Variants in GOLGA8B observed in about 807,000 individuals in gnomAD.
GOLGA8B encodes the protein golgin subfamily A member 8B.
In GOLGA8B, 1 loss-of-function variant was observed where a neutral mutation model predicts 15.6. The ratio of observed to expected loss-of-function variants is 0.06; its 90% CI spans 0.02 to 0.30. The LOEUF (loss-of-function observed/expected upper bound fraction) is 0.30, where lower values mean the gene tolerates loss of function less well. GOLGA8B is among the 10% of genes least tolerant of loss of function. The pLI, the probability that GOLGA8B is intolerant of heterozygous loss-of-function variation, is 1.00. For missense variants in GOLGA8B, 17 were observed against 201.3 expected (o/e 0.08, Z 5.54); for synonymous variants, 9 against 80.3 (o/e 0.11, Z 4.75).
chr15:34,564,851 T>C (rs1010660261), intron 1 of GOLGA8B, among the ~76,000 whole-genome samples: 2 of 143,326 alleles, frequency 1.4e-5, no homozygotes, highest in African/African-American at 5.0e-5. Flanking sequence ...TGCCATGGAG[T>C]CTGGACTCCA....
intron 1 of GOLGA8B, among the ~76,000 whole-genome samples, chr15:34,581,105 C>T (rs1808500): frequency 0.1 from 15,359 of 152,270 alleles, 1,014 homozygotes; most frequent in East Asian, 0.27. Context: ...CCCCACCGAC[C>T]GCCAGTCCTG....
rs1163264459 is a variant in GOLGA8B at position 34,566,301 on chromosome 15, A to G, written c.-1122-12345T>C. On this transcript the variant is annotated intron_variant, in intron 1 of 23. Transcript: ENST00000683415. ...CTCTGAGTGTATTTAATGCCACAGAATCATACACGTAGAAGTATTTCAGAT... is the reference window on the plus strand; with the variant it reads ...CTCTGAGTGTATTTAATGCCACAGAGTCATACACGTAGAAGTATTTCAGAT... 3 of 142,178 alleles carry G rather than the reference A, an allele frequency of 2.1e-5. 1 individual carries two copies. The highest frequency in any genetic ancestry group is 4.9e-5 in the Non-Finnish European group (3 of 61,790). The allele number at this position is 142,178 out of a possible 1,614,324, so 8.8% of individuals were successfully genotyped here.
intron 1 of GOLGA8B, among the ~76,000 whole-genome samples, chr15:34,569,235 A>C (rs1014017636): frequency 1.4e-5 from 2 of 144,340 alleles, no homozygotes; most frequent in African/African-American, 5.0e-5. Context: ...CGTCTGAATG[A>C]AGCCAGAAAT....
At chr15:34,581,230 C>T (rs1031426178) in intron 1 of GOLGA8B, among the ~76,000 whole-genome samples, 2 of 152,188 alleles carry the variant, frequency 1.3e-5, no homozygotes, top group South Asian at 2.1e-4. Context: ...CGAGGAGTGC[C>T]GGAGAGGAGC....
intron 1 of GOLGA8B, among the ~76,000 whole-genome samples, chr15:34,571,468 G>A (rs1372541173): frequency 6.6e-6 from 1 of 151,850 alleles, no homozygotes; most frequent in Non-Finnish European, 1.5e-5. Flanking sequence ...ACGGTAGATA[G>A]TGGCACAACA....
At position 34,562,491 on chromosome 15, in the gene GOLGA8B, ATTTTATG is replaced by A. The variant is rs961315265; in HGVS notation, c.-1122-8542_-1122-8536del. ...TCTTCTCTGATTACTCCTTATTCAT[ATTTTATG>A]TTTTGTTTTATAGATGTAATATATT... is the stretch of plus-strand genomic sequence containing the variant. On this transcript the variant is annotated intron_variant, in intron 1 of 23. Transcript: ENST00000683415. 2.3e-4 allele frequency among the ~76,000 whole-genome samples: 24 copies of A among 106,118 alleles called. 1 individual carries two copies. Among genetic ancestry groups the A allele is most frequent in the African/African-American group, 6.9e-4 (22 of 31,746 alleles). The allele number at this position is 106,118 out of a possible 152,430, so 69.6% of individuals were successfully genotyped here.
rs1303029200 is a variant in GOLGA8B at position 34,527,227 on chromosome 15, A to C, written c.*405T>G. 1 of 334,568 alleles carries C rather than the reference A, an allele frequency of 3.0e-6. No homozygotes were observed. The highest frequency in any genetic ancestry group is 2.2e-5 in the African/African-American group (1 of 45,374). The allele number at this position is 334,568 out of a possible 1,614,324, so 20.7% of individuals were successfully genotyped here. On this transcript the variant is annotated 3_prime_UTR_variant, in exon 24 of 24. Coordinates refer to ENST00000683415, the MANE Select transcript of GOLGA8B (RefSeq NM_001023567.5). ...TCAAACATCATAGCAGAACATTAGC[A>C]AATTTTATCTGAATTCTGTAATGAA...
chr15:34,565,281 G>A lies in GOLGA8B; in HGVS notation c.-1122-11325C>T, dbSNP rs1308827985. Among the ~76,000 whole-genome samples, 5 of 140,386 alleles carry A rather than the reference G, an allele frequency of 3.6e-5. No homozygotes were observed. In the East Asian group the frequency reaches 5.9e-4, roughly 17 times the overall value. The allele number at this position is 140,386 out of a possible 152,430, so 92.1% of individuals were successfully genotyped here. On this transcript the variant is annotated intron_variant, in intron 1 of 23. Transcript: ENST00000683415. ...CTCCCTAGTAGCTGGGATTACAGGC[G>A]TCCGCCACCACGCCTGGCTAATTTT...
chr15:34,579,092 C>A lies in GOLGA8B; in HGVS notation c.-1123+4424G>T, dbSNP rs184165928. ...ACAACCACAGGCAAGAGGCCTCATG[C>A]GCACATTGCAGATGCTGAGAAAGAC... On this transcript the variant is annotated intron_variant, in intron 1 of 23. Coordinates refer to ENST00000683415, the MANE Select transcript of GOLGA8B (RefSeq NM_001023567.5). 9.3e-4 allele frequency among the ~76,000 whole-genome samples: 141 copies of A among 152,094 alleles called. 1 individual carries two copies. Among genetic ancestry groups the A allele is most frequent in the African/African-American group, 3.2e-3 (132 of 41,516 alleles).
chr15:34,578,670 G>C (rs1326541781), intron 1 of GOLGA8B, among the ~76,000 whole-genome samples: 1 of 152,128 alleles, frequency 6.6e-6, no homozygotes, highest in Non-Finnish European at 1.5e-5. Flanking sequence ...AAACAAAGAG[G>C]GATGGAACTC....
At chr15:34,581,908 G>A (rs1889246729) in intron 1 of GOLGA8B, among the ~76,000 whole-genome samples, 1 of 152,072 alleles carries the variant, frequency 6.6e-6, no homozygotes. Context: ...CACTCCAAGG[G>A]CCCCCCAACA....
Position 34,572,477 on chromosome 15 carries a change from A to C in GOLGA8B, c.-1123+11039T>G, listed in dbSNP as rs552842375. 1.0e-3 allele frequency among the ~76,000 whole-genome samples: 158 copies of C among 152,360 alleles called. 1 individual carries two copies. The highest frequency in any genetic ancestry group is 3.4e-3 in the Middle Eastern group (1 of 294). On this transcript the variant is annotated intron_variant, in intron 1 of 23. Coordinates refer to ENST00000683415, the MANE Select transcript of GOLGA8B (RefSeq NM_001023567.5). ...AATAATGCTGCTTGCGCAAAGGACA[A>C]GGGAGCATCTCTAAGACACACAGCT...
At chr15:34,560,234 T>C (rs1394420017) in intron 1 of GOLGA8B, among the ~76,000 whole-genome samples, 1 of 144,444 alleles carries the variant, frequency 6.9e-6, no homozygotes, top group Admixed American at 7.0e-5. Flanking sequence ...ATTTCTGCTA[T>C]CCTTTCACCT....
At chr15:34,564,353 C>CTTT (rs1432441715) in intron 1 of GOLGA8B, among the ~76,000 whole-genome samples, 147 of 112,756 alleles carry the variant, frequency 1.3e-3, no homozygotes, top group African/African-American at 5.3e-3. Flanking sequence ...ACTGTAGATT[C>CTTT]TTAAAAAAAA....
chr15:34,578,557 C>G (rs72726710), intron 1 of GOLGA8B, among the ~76,000 whole-genome samples: 1 of 152,230 alleles, frequency 6.6e-6, no homozygotes, highest in Non-Finnish European at 1.5e-5. Context: ...CAGCAGAGTG[C>G]TCTTAGGCAA....
intron 1 of GOLGA8B, chr15:34,566,417 C>T (rs1174476078): frequency 6.9e-6 from 1 of 144,214 alleles, no homozygotes; most frequent in Non-Finnish European, 1.6e-5. Context: ...AGAGCGGTGT[C>T]AGGCATCTCA....
In GOLGA8B at chr15:34,559,971, TC is replaced by T. The variant is rs1425074958; in HGVS notation, c.-1122-6016del. On this transcript the variant is annotated intron_variant, in intron 1 of 23. Transcript: ENST00000683415. ...GGTCGTGGGGCGGTGCGTGGGCACA[TC>T]CCTGGGAGGTTTCAGGAGGACATTC... is the stretch of plus-strand genomic sequence containing the variant. Among the ~76,000 whole-genome samples the T allele has an allele frequency of 5.3e-5, 8 of 149,800 alleles. 1 individual carries two copies. Among genetic ancestry groups the T allele is most frequent in the African/African-American group, 2.0e-4 (8 of 39,902 alleles).
intron 1 of GOLGA8B, among the ~76,000 whole-genome samples, chr15:34,578,855 A>C (rs1889154210): frequency 6.6e-6 from 1 of 152,110 alleles, no homozygotes; most frequent in Admixed American, 6.5e-5. Context: ...TGATCCTTGA[A>C]ACACAAAACA....
chr15:34,556,989 C>T (rs549159759), intron 1 of GOLGA8B, among the ~76,000 whole-genome samples: 1 of 147,394 alleles, frequency 6.8e-6, no homozygotes, highest in African/African-American at 2.6e-5. Flanking sequence ...TGCGTGGATG[C>T]TCCGGCCACT....
Sources: gnomAD v4.1 joint callset for allele counts (sites outside exome capture counted in the v4.1 genomes callset) on GRCh38, gnomAD v4.1.1 for gene constraint, MANE v1.5 for transcripts, NCBI Gene and HGNC (gene_info 2026-07-23, HGNC 2026-07-21) for gene names.